Variants in ZCCHC8 observed in about 807,000 individuals in gnomAD.
ZCCHC8 encodes zinc finger CCHC-type containing 8.
Under a neutral mutation model 70.6 loss-of-function variants are expected in ZCCHC8, and 27 were observed. The ratio of observed to expected loss-of-function variants is 0.38; its 90% confidence interval spans 0.28 to 0.53. The LOEUF is 0.53. Among genes scored for constraint, ZCCHC8 ranks in the 20% least tolerant of loss-of-function variants. The pLI is 0.81. For missense variants in ZCCHC8, 737 were observed against 876.9 expected (o/e 0.84, Z 2.01); for synonymous variants, 293 against 317.4 (o/e 0.92, Z 0.82).
At position 122,474,127 on chromosome 12, in the gene ZCCHC8, A is replaced by G; in HGVS notation, c.1494T>C (p.Ser498=). ...ATGCTGTTCTGGTCTGGGGTGAGTC[A>G]CTGGGAGTCAGCGGCGGGGTGCCCT... ...LPKGTPPLTP[S]DSPQTRTASG... The change falls in exon 14 of 14, where the codon AGT becomes AGC. Residue 498 remains serine (S), a synonymous_variant. Transcript: ENST00000633063. 6.6e-7 allele frequency: 1 copy of G among 1,509,330 alleles called. No homozygotes were observed. The highest frequency in any genetic ancestry group is 8.8e-7 in the Non-Finnish European group (1 of 1,133,932). 93.5% of individuals were successfully genotyped at this position (1,509,330 alleles called of 1,614,324 possible). A position where few individuals can be genotyped will look rare whatever the true frequency, so the allele number is the denominator to read the frequency against.
intron 5 of ZCCHC8, among the ~76,000 whole-genome samples, chr12:122,485,772 G>A (rs959647827): frequency 6.6e-6 from 1 of 151,404 alleles, no homozygotes; most frequent in Non-Finnish European, 1.5e-5. Context: ...CCAGGTTCAT[G>A]CCATTCTCCC....
rs1186383974 is a variant in ZCCHC8 at position 122,499,950 on chromosome 12, T to G, written c.199+692A>C. 12 of 152,094 alleles carry G rather than the reference T, an allele frequency of 7.9e-5. No individual in the cohort carries two copies. The East Asian group carries it at 2.3e-3, about 29-fold the overall frequency. 9.4% of individuals were successfully genotyped at this position (152,094 alleles called of 1,614,324 possible). On this transcript the variant is annotated intron_variant, in intron 1 of 13. Transcript: ENST00000633063. ...AGTTATCTATCTACCTATAAAACTCTACGAACGTAAAAAAAAACATACTAG... is the reference window on the plus strand; with the variant it reads ...AGTTATCTATCTACCTATAAAACTCGACGAACGTAAAAAAAAACATACTAG...
chr12:122,491,992 A>G (rs891632722), intron 3 of ZCCHC8: 2 of 152,322 alleles, frequency 1.3e-5, no homozygotes, highest in African/African-American at 4.8e-5. Context: ...TTTAGCATCC[A>G]GCTTCCCAAC....
intron 2 of ZCCHC8, among the ~76,000 whole-genome samples, chr12:122,495,847 C>CAAA (rs538311699): frequency 3.1e-4 from 24 of 78,316 alleles, no homozygotes; most frequent in Non-Finnish European, 4.3e-4. Flanking sequence ...CACTCTGTCT[C>CAAA]AAAAAAAAAA....
At chr12:122,476,422 G>A (rs1051518390) in intron 13 of ZCCHC8, among the ~76,000 whole-genome samples, 9 of 151,776 alleles carry the variant, frequency 5.9e-5, no homozygotes, top group African/African-American at 1.9e-4. Flanking sequence ...ATAAGACCTC[G>A]GTGTCTACAA....
intron 3 of ZCCHC8, chr12:122,492,004 C>G (rs1285305011): frequency 6.6e-6 from 1 of 152,288 alleles, no homozygotes; most frequent in African/African-American, 2.4e-5. Context: ...CTTCCCAACC[C>G]TCAGAGCCTT....
Position 122,481,549 on chromosome 12 carries a change from A to C in ZCCHC8, c.991T>G (p.Ser331Ala). 3 of 1,613,826 alleles carry C rather than the reference A, an allele frequency of 1.9e-6. No homozygotes were observed. Among genetic ancestry groups the C allele is most frequent in the Non-Finnish European group, 1.7e-6 (2 of 1,179,832 alleles). Residue 331 changes from serine to alanine, a missense_variant, in exon 10 of 14, where the codon TCG becomes GCG. Ser to Ala is a moderately conservative substitution (Grantham distance 99). Coordinates refer to ENST00000633063, the MANE Select transcript of ZCCHC8 (RefSeq NM_017612.5). ...GWLKEAELEN[S>A]GLALYDGKDG... Reference sequence around the variant, plus strand: ...TTTCCATCATAGAGTGCAAGCCCCGAATTCTCCAATTCAGCCTCTTTGAGC... The same window carrying C: ...TTTCCATCATAGAGTGCAAGCCCCGCATTCTCCAATTCAGCCTCTTTGAGC...
chr12:122,499,045 C>A, intron 1 of ZCCHC8, 176 bp from the exon 2 acceptor site: 1 of 636,108 alleles, frequency 1.6e-6, no homozygotes. Flanking sequence ...CTTTTGAAAC[C>A]CAAAATTAAA....
chr12:122,492,963 C>T (rs780634503), intron 2 of ZCCHC8, among the ~76,000 whole-genome samples, 174 bp from the exon 3 acceptor site: 4 of 152,016 alleles, frequency 2.6e-5, no homozygotes, highest in Non-Finnish European at 5.9e-5. Flanking sequence ...CTCCGCCTCC[C>T]GAGATCAAGC....
chr12:122,487,851 A>G (rs1221319996), intron 5 of ZCCHC8, among the ~76,000 whole-genome samples: 1 of 151,810 alleles, frequency 6.6e-6, no homozygotes, highest in Admixed American at 6.6e-5. Context: ...ATATGTATCT[A>G]TACATACATA....
intron 3 of ZCCHC8, chr12:122,492,288 G>C (rs1388250402): frequency 5.8e-6 from 1 of 172,800 alleles, no homozygotes; most frequent in African/African-American, 2.4e-5. Flanking sequence ...AGTAGGCTTT[G>C]AAGATGGCCA....
intron 7 of ZCCHC8, chr12:122,482,948 G>C: frequency 1.9e-6 from 1 of 519,076 alleles, no homozygotes; most frequent in East Asian, 3.1e-5. Flanking sequence ...TTTTTCAGTG[G>C]TTAACAACGA....
Position 122,473,890 on chromosome 12 carries a change from C to G in ZCCHC8, c.1731G>C (p.Thr577=). The G allele has an allele frequency of 6.2e-7, 1 of 1,613,928 alleles. No homozygotes were observed. Among genetic ancestry groups the G allele is most frequent in the Non-Finnish European group, 8.5e-7 (1 of 1,179,892 alleles). The change falls in exon 14 of 14, where the codon ACG becomes ACC. Residue 577 remains threonine, a synonymous_variant. Transcript: ENST00000633063. ...TCTCTGGTACCTCAGGCTCATCCAG[C>G]GTCTGCTTTTCAGATGTTTTTCCCT... The part of the protein sequence containing the change: ...VPEGKTSEKQ[T]LDEPEVPEIF...
At chr12:122,494,068 C>G (rs184792818) in intron 2 of ZCCHC8, among the ~76,000 whole-genome samples, 1 of 152,138 alleles carries the variant, frequency 6.6e-6, no homozygotes, top group Non-Finnish European at 1.5e-5. Context: ...GTATACTATT[C>G]CTGGATTTGA....
chr12:122,482,224 G>T, intron 8 of ZCCHC8, 137 bp from the exon 9 acceptor site: 1 of 916,470 alleles, frequency 1.1e-6, no homozygotes, highest in Non-Finnish European at 1.5e-6. Context: ...TGTAAAAGAG[G>T]GTGAATATTT....
At chr12:122,495,668 T>C (rs1593334192) in intron 2 of ZCCHC8, among the ~76,000 whole-genome samples, 1 of 151,496 alleles carries the variant, frequency 6.6e-6, no homozygotes, top group East Asian at 1.9e-4. Context: ...ACCAACATGG[T>C]GAAACCCCGT....
intron 4 of ZCCHC8, among the ~76,000 whole-genome samples, chr12:122,490,081 C>CTT (rs1957718547): frequency 6.6e-6 from 1 of 151,482 alleles, no homozygotes; most frequent in South Asian, 2.1e-4. Flanking sequence ...CATAGTAAAA[C>CTT]TTCTCAGATT....
chr12:122,492,234 G>A (rs1362979085), intron 3 of ZCCHC8: 1 of 167,204 alleles, frequency 6.0e-6, no homozygotes, highest in Non-Finnish European at 1.3e-5. Context: ...GATGCTGATG[G>A]TTTGCAAAAG....
rs1210124696 is a variant in ZCCHC8 at position 122,492,673 on chromosome 12, T to G, written c.317+42A>C. 21 of 1,282,412 alleles carry G rather than the reference T, an allele frequency of 1.6e-5. No homozygotes were observed. In the East Asian group the frequency reaches 5.3e-4, roughly 33 times the overall value. 79.4% of individuals were successfully genotyped at this position (1,282,412 alleles called of 1,614,324 possible). The stretch of plus-strand genomic sequence containing the variant: ...CATATTTATAGAGAAAATTGTTCCA[T>G]AAACACATTATTATATTTAGGAAAG... On this transcript the variant is annotated intron_variant, in intron 3 of 13. Transcript: ENST00000633063.
Sources: gnomAD v4.1 joint callset for allele counts (sites outside exome capture counted in the v4.1 genomes callset) on GRCh38, gnomAD v4.1.1 for gene constraint, MANE v1.5 for transcripts, NCBI Gene and HGNC (gene_info 2026-07-23, HGNC 2026-07-21) for gene names.